The following ZNF804B variants were observed in gnomAD, a reference collection of about 807,000 sequenced individuals.
ZNF804B encodes the protein zinc finger 804B.
A neutral mutation model predicts 101.4 loss-of-function variants in ZNF804B; 80 were observed. The ratio of observed to expected loss-of-function variants is 0.79; its 90% CI spans 0.66 to 0.95. The LOEUF is 0.95. Ranked by LOEUF, ZNF804B falls within the 40% of genes least tolerant of loss-of-function variation. ZNF804B has a pLI of 0.00. For missense variants in ZNF804B, 1,673 were observed against 1,561.9 expected (o/e 1.07, Z -1.20); for synonymous variants, 622 against 558.8 (o/e 1.11, Z -1.59).
intron 1 of ZNF804B, among the ~76,000 whole-genome samples, chr7:89,042,238 A>G (rs1789026567): frequency 6.6e-6 from 1 of 152,184 alleles, no homozygotes; most frequent in South Asian, 2.1e-4. Context: ...TTCCTCTAAT[A>G]ATAATATGAG....
chr7:89,203,358 C>T (rs1035263624), intron 1 of ZNF804B, among the ~76,000 whole-genome samples: 2 of 152,114 alleles, frequency 1.3e-5, no homozygotes, highest in African/African-American at 2.4e-5. Flanking sequence ...GGTTTTCTGA[C>T]GTCACTTATC....
chr7:89,282,593 A>G (rs937327598), intron 2 of ZNF804B, among the ~76,000 whole-genome samples: 7 of 152,190 alleles, frequency 4.6e-5, no homozygotes, highest in African/African-American at 1.7e-4. Flanking sequence ...CAATCTGTAT[A>G]TGCTATCTTA....
chr7:89,292,706 C>T (rs202071339), intron 2 of ZNF804B, among the ~76,000 whole-genome samples: 1 of 151,472 alleles, frequency 6.6e-6, no homozygotes, highest in African/African-American at 2.4e-5. Flanking sequence ...CCTTACTTAC[C>T]AATAACATCG....
At chr7:89,024,152 T>C (rs1037855520) in intron 1 of ZNF804B, among the ~76,000 whole-genome samples, 1 of 152,210 alleles carries the variant, frequency 6.6e-6, no homozygotes, top group Admixed American at 6.5e-5. Context: ...AGATGAGATA[T>C]AACGTAGACT....
chr7:89,227,217 G>A (rs949344581), intron 2 of ZNF804B, among the ~76,000 whole-genome samples: 2 of 152,146 alleles, frequency 1.3e-5, no homozygotes, highest in Admixed American at 1.3e-4. Flanking sequence ...GGGGATCCTT[G>A]TCTATCAGTA....
intron 1 of ZNF804B, among the ~76,000 whole-genome samples, chr7:89,011,204 A>G (rs1163364553): frequency 6.6e-6 from 1 of 152,118 alleles, no homozygotes; most frequent in Non-Finnish European, 1.5e-5. Context: ...AGACTCACCC[A>G]TTATCATGCT....
chr7:88,812,318 A>G (rs1203930181), intron 1 of ZNF804B, among the ~76,000 whole-genome samples: 1 of 152,220 alleles, frequency 6.6e-6, no homozygotes, highest in Non-Finnish European at 1.5e-5. Context: ...ATTAGTGTGC[A>G]CTTAACATCC....
intron 1 of ZNF804B, among the ~76,000 whole-genome samples, chr7:88,953,060 A>T (rs1211223247): frequency 4.0e-5 from 6 of 151,754 alleles, no homozygotes; most frequent in African/African-American, 1.5e-4. Context: ...TGGTGTCAGG[A>T]TTGAGTTATT....
chr7:88,979,338 C>T (rs928798418), intron 1 of ZNF804B, among the ~76,000 whole-genome samples: 5 of 151,910 alleles, frequency 3.3e-5, no homozygotes, highest in Admixed American at 3.3e-4. Flanking sequence ...TTGAAGTACT[C>T]TCTTTAGCAT....
intron 1 of ZNF804B, among the ~76,000 whole-genome samples, chr7:89,199,896 A>G (rs541679611): frequency 3.6e-4 from 54 of 148,416 alleles, no homozygotes; most frequent in Middle Eastern, 7.1e-3. Flanking sequence ...TAATATATGT[A>G]TAATATATAG....
chr7:89,321,052 G>T (rs1218495487), intron 2 of ZNF804B, among the ~76,000 whole-genome samples: 1 of 151,942 alleles, frequency 6.6e-6, no homozygotes, highest in Non-Finnish European at 1.5e-5. Flanking sequence ...AAAATAATAA[G>T]AAATAGTTTA....
chr7:88,922,940 A>G (rs763702706), intron 1 of ZNF804B, among the ~76,000 whole-genome samples: 48 of 152,112 alleles, frequency 3.2e-4, no homozygotes, highest in Non-Finnish European at 6.3e-4. Flanking sequence ...TGAAGGAAAT[A>G]AAACTGTAAT....
At chr7:88,876,536 T>C (rs978621807) in intron 1 of ZNF804B, among the ~76,000 whole-genome samples, 1 of 152,180 alleles carries the variant, frequency 6.6e-6, no homozygotes, top group Non-Finnish European at 1.5e-5. Flanking sequence ...CTGGAGATCC[T>C]AGGCCAAACT....
intron 1 of ZNF804B, among the ~76,000 whole-genome samples, chr7:89,049,868 C>A (rs1789167430): frequency 6.6e-6 from 1 of 151,942 alleles, no homozygotes; most frequent in African/African-American, 2.4e-5. Flanking sequence ...AAAAATTAGC[C>A]ATGCATGGTG....
At chr7:89,133,346 G>T (rs1277842885) in intron 1 of ZNF804B, among the ~76,000 whole-genome samples, 1 of 152,028 alleles carries the variant, frequency 6.6e-6, no homozygotes, top group Non-Finnish European at 1.5e-5. Context: ...TATGACTCTT[G>T]TTTGTAGAGC....
At chr7:89,053,608 A>T (rs1036575937) in intron 1 of ZNF804B, among the ~76,000 whole-genome samples, 1 of 151,996 alleles carries the variant, frequency 6.6e-6, no homozygotes, top group Non-Finnish European at 1.5e-5. Context: ...GTTTTTGGCT[A>T]TAGTCATAGT....
chr7:89,097,167 A>G (rs1256851787), intron 1 of ZNF804B, among the ~76,000 whole-genome samples: 1 of 152,178 alleles, frequency 6.6e-6, no homozygotes, highest in East Asian at 1.9e-4. Flanking sequence ...TGCTTTCTGC[A>G]ATCCCCGTCC....
At chr7:89,281,500 G>A (rs1227758593) in intron 2 of ZNF804B, among the ~76,000 whole-genome samples, 1 of 152,052 alleles carries the variant, frequency 6.6e-6, no homozygotes, top group Non-Finnish European at 1.5e-5. Context: ...GAGTTTTTTA[G>A]ATAATACAAT....
At chr7:89,018,264 G>A (rs1463618068) in intron 1 of ZNF804B, among the ~76,000 whole-genome samples, 1 of 151,978 alleles carries the variant, frequency 6.6e-6, no homozygotes, top group Admixed American at 6.6e-5. Flanking sequence ...CATCTATTGA[G>A]AAGATCATAT....
Sources: allele counts gnomAD v4.1 joint callset (sites outside exome capture counted in the v4.1 genomes callset), GRCh38; gene constraint gnomAD v4.1.1; transcripts MANE v1.5; gene names NCBI Gene and HGNC (gene_info 2026-07-23, HGNC 2026-07-21).